The following HECW1 variants were observed in gnomAD, a reference collection of about 807,000 sequenced individuals.
HECW1 encodes E3 ubiquitin-protein ligase HECW1.
Under a neutral mutation model 182.3 loss-of-function variants are expected in HECW1, and 61 were observed. The observed-to-expected ratio is 0.33, with a 90% confidence interval of 0.27 to 0.41. The LOEUF (loss-of-function observed/expected upper bound fraction) is 0.41. Among genes scored for constraint, HECW1 ranks in the 10% least tolerant of loss-of-function variants. The probability of loss-of-function intolerance (pLI) is 1.00; values close to 1 mark genes in which losing one functional copy is unlikely to be tolerated. For synonymous variants in HECW1, 859 were observed against 832.6 expected, an observed-to-expected ratio of 1.03 and a Z score of -0.55; for missense variants, 1,739 against 2,108.9, an observed-to-expected ratio of 0.82 and a Z score of 3.44.
intron 28 of HECW1, among the ~76,000 whole-genome samples, chr7:43,554,200 G>C (rs897360920): frequency 6.6e-6 from 1 of 152,224 alleles, no homozygotes; most frequent in Admixed American, 6.5e-5. Flanking sequence ...CAAGAGCTAA[G>C]ACAGCAAAAC....
chr7:43,456,400 C>T lies in HECW1; in HGVS notation c.2604C>T (p.Gly868=). ...CGACGGCAGCAGCCACCCCGGATGG[C>T]ATGCGGAGATCGGGGTCCATCCAGC... The part of the protein sequence containing the change: ...QRPTAAATPD[G]MRRSGSIQQM... Residue 868 remains glycine (G), a synonymous_variant, in exon 13 of 30, where the codon GGC becomes GGT. Transcript: ENST00000395891. 1 of 1,614,132 alleles carries T rather than the reference C, an allele frequency of 6.2e-7. No individual in the cohort carries two copies. Among genetic ancestry groups the T allele is most frequent in the Non-Finnish European group, 8.5e-7 (1 of 1,180,012 alleles).
intron 2 of HECW1, among the ~76,000 whole-genome samples, chr7:43,214,051 A>G (rs905470703): frequency 6.6e-6 from 1 of 151,948 alleles, no homozygotes; most frequent in Non-Finnish European, 1.5e-5. Context: ...ACTGGTGGTG[A>G]TTGTAATCTT....
chr7:43,396,462 C>CTA (rs1350941204), intron 6 of HECW1, among the ~76,000 whole-genome samples: 1 of 152,200 alleles, frequency 6.6e-6, no homozygotes, highest in Non-Finnish European at 1.5e-5. Flanking sequence ...ATCTATTGAC[C>CTA]TATCATTCTA....
intron 3 of HECW1, among the ~76,000 whole-genome samples, chr7:43,248,093 G>C (rs1799619965): frequency 6.6e-6 from 1 of 151,854 alleles, no homozygotes; most frequent in Admixed American, 6.6e-5. Flanking sequence ...AATGGAGAGA[G>C]GGAGGGAAGA....
chr7:43,254,749 C>T (rs1253109268), intron 3 of HECW1, among the ~76,000 whole-genome samples: 1 of 152,158 alleles, frequency 6.6e-6, no homozygotes, highest in African/African-American at 2.4e-5. Flanking sequence ...TCTTCGCTTC[C>T]AGCACTGGTC....
At chr7:43,137,934 A>C in intron 2 of HECW1, among the ~76,000 whole-genome samples, 1 of 147,962 alleles carries the variant, frequency 6.8e-6, no homozygotes, top group Non-Finnish European at 1.5e-5. Context: ...TATTCTGACC[A>C]ACACTTTTTT....
intron 7 of HECW1, among the ~76,000 whole-genome samples, chr7:43,403,077 C>A (rs2075480294): frequency 6.6e-6 from 1 of 152,184 alleles, no homozygotes; most frequent in African/African-American, 2.4e-5. Flanking sequence ...TGGGAACATC[C>A]TTATGATGTT....
At chr7:43,204,852 G>A (rs920500180) in intron 2 of HECW1, among the ~76,000 whole-genome samples, 2 of 152,088 alleles carry the variant, frequency 1.3e-5, no homozygotes, top group East Asian at 1.9e-4. Flanking sequence ...TTAAGGCCCC[G>A]CAAAGTTTGG....
intron 2 of HECW1, among the ~76,000 whole-genome samples, chr7:43,182,817 G>A (rs1375068017): frequency 1.3e-5 from 2 of 152,006 alleles, no homozygotes; most frequent in African/African-American, 4.8e-5. Context: ...AATGAACATG[G>A]GATATCTTTC....
At chr7:43,226,231 A>T (rs1005865550) in intron 2 of HECW1, among the ~76,000 whole-genome samples, 3 of 152,216 alleles carry the variant, frequency 2.0e-5, no homozygotes, top group Non-Finnish European at 4.4e-5. Context: ...AATGGAAAAA[A>T]TTTTGATAAA....
intron 24 of HECW1, among the ~76,000 whole-genome samples, chr7:43,519,477 T>C (rs2080338421): frequency 6.6e-6 from 1 of 152,164 alleles, no homozygotes; most frequent in African/African-American, 2.4e-5. Flanking sequence ...AACTCCTGAC[T>C]TCATGATTGG....
chr7:43,233,783 G>C (rs1449135400), intron 2 of HECW1, among the ~76,000 whole-genome samples: 1 of 152,138 alleles, frequency 6.6e-6, no homozygotes, highest in Non-Finnish European at 1.5e-5. Context: ...GCCTCCACTT[G>C]CTCCTCTCTT....
chr7:43,175,042 A>G (rs1038168476), intron 2 of HECW1, among the ~76,000 whole-genome samples: 14 of 152,226 alleles, frequency 9.2e-5, no homozygotes, highest in African/African-American at 3.1e-4. Context: ...GGGCTCCCCA[A>G]TCCCATCCTG....
In HECW1 at chr7:43,565,582, TTTATTATTA is replaced by T. The variant is rs57824560; in HGVS notation, c.*3666_*3674del. 6.2e-6 allele frequency: 1 copy of T among 161,090 alleles called. No homozygotes were observed. The allele number at this position is 161,090 out of a possible 1,614,324, so 10.0% of individuals were successfully genotyped here. A position where few individuals can be genotyped will look rare whatever the true frequency, so the allele number is the denominator to read the frequency against. ...CTTTATTATTATTATTATTATTATT[TTTATTATTA>T]TTATTATTACGTACTTCAGTGTTCA... is the stretch of plus-strand genomic sequence containing the variant. On this transcript the variant is annotated 3_prime_UTR_variant, in exon 30 of 30. Transcript: ENST00000395891.
chr7:43,330,414 T>A (rs7800963), intron 5 of HECW1, among the ~76,000 whole-genome samples: 73,998 of 151,982 alleles, frequency 0.49, 18,453 homozygotes, highest in African/African-American at 0.59. Context: ...GCATGTGAGA[T>A]CCGCAGGAGA....
At chr7:43,205,887 G>T (rs994995596) in intron 2 of HECW1, among the ~76,000 whole-genome samples, 1 of 152,136 alleles carries the variant, frequency 6.6e-6, no homozygotes, top group South Asian at 2.1e-4. Flanking sequence ...GCGGCTGGGG[G>T]CCCCCTACAC....
intron 6 of HECW1, among the ~76,000 whole-genome samples, chr7:43,389,321 C>T (rs1242323707): frequency 6.6e-6 from 1 of 152,212 alleles, no homozygotes; most frequent in Admixed American, 6.5e-5. Context: ...CTTACAAAAT[C>T]AGTCCTTCTG....
At chr7:43,547,669 T>C (rs950190466) in intron 26 of HECW1, among the ~76,000 whole-genome samples, 6 of 152,256 alleles carry the variant, frequency 3.9e-5, no homozygotes, top group African/African-American at 1.2e-4. Flanking sequence ...TTTCCTTTTT[T>C]ACAATGGTCC....
chr7:43,517,815 T>C (rs1427044676), intron 24 of HECW1, among the ~76,000 whole-genome samples: 2 of 152,128 alleles, frequency 1.3e-5, no homozygotes, highest in Non-Finnish European at 2.9e-5. Flanking sequence ...AGCCTCCCTA[T>C]CAATTCTCAA....
Sources: allele counts gnomAD v4.1 joint callset (sites outside exome capture counted in the v4.1 genomes callset), GRCh38; gene constraint gnomAD v4.1.1; transcripts MANE v1.5; gene names NCBI Gene and HGNC (gene_info 2026-07-23, HGNC 2026-07-21).